Variants in ARHGEF7 observed in about 807,000 individuals in gnomAD.
The protein encoded by ARHGEF7 is Rho guanine nucleotide exchange factor 7.
In ARHGEF7, 33 loss-of-function variants were observed where a neutral mutation model predicts 109.8. That is an observed-to-expected ratio of 0.30 (90% CI 0.23 to 0.40). The LOEUF (loss-of-function observed/expected upper bound fraction) is 0.40, where lower values mean the gene tolerates loss of function less well. Among genes scored for constraint, ARHGEF7 ranks in the 10% least tolerant of loss-of-function variants. The pLI is 1.00. For synonymous variants in ARHGEF7, 458 were observed against 424.6 expected, an observed-to-expected ratio of 1.08 and a Z score of -0.97; for missense variants, 938 against 1,098.5, an observed-to-expected ratio of 0.85 and a Z score of 2.07.
chr13:111,279,327 TG>T (rs1435199257), intron 13 of ARHGEF7, among the ~76,000 whole-genome samples: 3 of 152,110 alleles, frequency 2.0e-5, no homozygotes, highest in Admixed American at 1.3e-4. Flanking sequence ...GGCCAGGGGC[TG>T]GGGGTCTCGG....
chr13:111,151,187 T>C (rs2075869061), intron 1 of ARHGEF7, among the ~76,000 whole-genome samples: 1 of 152,246 alleles, frequency 6.6e-6, no homozygotes, highest in Non-Finnish European at 1.5e-5. Context: ...AACATTCTTA[T>C]AAAACAAGCA....
At chr13:111,252,423 A>G (rs1179836360) in intron 8 of ARHGEF7, among the ~76,000 whole-genome samples, 1 of 152,208 alleles carries the variant, frequency 6.6e-6, no homozygotes, top group Non-Finnish European at 1.5e-5. Context: ...GCAGGTGTGA[A>G]TAGCACAGGC....
chr13:111,255,812 G>A lies in ARHGEF7; in HGVS notation c.950+11518G>A, dbSNP rs1454378916. On this transcript the variant is annotated intron_variant, in intron 8 of 21. Transcript: ENST00000646102. This position sits in a 1 kb window ranked among gnomAD's most constrained non-coding sequence, Gnocchi z 4.1. The stretch of plus-strand genomic sequence containing the variant: ...TTTAACTGGGGGATATTTTTCCTGT[G>A]GAAGGTGGGGTCATGGTGCTTTCTT... Among the ~76,000 whole-genome samples the A allele has an allele frequency of 2.0e-5, 3 of 152,180 alleles. No homozygotes were observed. The highest frequency in any genetic ancestry group is 7.2e-5 in the African/African-American group (3 of 41,442).
intron 8 of ARHGEF7, among the ~76,000 whole-genome samples, chr13:111,254,354 A>G (rs1349110254): frequency 1.3e-5 from 2 of 152,226 alleles, no homozygotes; most frequent in African/African-American, 4.8e-5. Flanking sequence ...TTGAGAGGAT[A>G]TGGGTGCCAC....
At chr13:111,298,537 C>T (rs1048618948) in intron 19 of ARHGEF7, among the ~76,000 whole-genome samples, 12 of 152,268 alleles carry the variant, frequency 7.9e-5, no homozygotes, top group Admixed American at 7.8e-4. Flanking sequence ...GGAGTCCTTG[C>T]AGCCCAAAGG....
At chr13:111,115,193 AGGGCGCGGGGCGGCGCG>A (rs2066651572), upstream of ARHGEF7, 1 of 142,148 alleles carries the variant, frequency 7.0e-6, no homozygotes, top group Admixed American at 6.9e-5. Flanking sequence ...GAGGCTGCGC[AGGGCGCGGGGCGGCGCG>A]GGCCGGGCGC....
chr13:111,257,051 C>G (rs950154996), intron 8 of ARHGEF7, among the ~76,000 whole-genome samples: 1 of 152,348 alleles, frequency 6.6e-6, no homozygotes, highest in African/African-American at 2.4e-5. Flanking sequence ...AGATGTCCCT[C>G]TACAGATTGG....
At position 111,280,554 on chromosome 13, in the gene ARHGEF7, G is replaced by A. The variant is rs1167067412; in HGVS notation, c.1602G>A (p.Arg534=). 1.9e-6 allele frequency: 3 copies of A among 1,607,314 alleles called. No individual in the cohort carries two copies. Among genetic ancestry groups the A allele is most frequent in the Non-Finnish European group, 2.5e-6 (3 of 1,177,554 alleles). Residue 534 remains arginine (R), a synonymous_variant, in exon 15 of 22, where the codon CGG becomes CGA. Transcript: ENST00000646102. The part of the protein sequence containing the change: ...AFEISGSMIE[R]ILVSCNNQQD... ...CTCCTATAGGGAGCATGATTGAGCG[G>A]ATATTAGTGTCGTGCAACAACCAGC...
intron 5 of ARHGEF7, among the ~76,000 whole-genome samples, chr13:111,220,526 T>G (rs2083693130): frequency 1.3e-5 from 2 of 152,204 alleles, no homozygotes; most frequent in South Asian, 4.1e-4. Flanking sequence ...TTTGTGGATC[T>G]CAAAATCCTC....
chr13:111,250,546 C>G (rs1319176213), intron 8 of ARHGEF7, among the ~76,000 whole-genome samples: 1 of 152,068 alleles, frequency 6.6e-6, no homozygotes, highest in South Asian at 2.1e-4. Flanking sequence ...TGGGAGGTAA[C>G]CAGGCAAAAA....
intron 9 of ARHGEF7, among the ~76,000 whole-genome samples, chr13:111,269,853 C>G (rs2091993194): frequency 6.6e-6 from 1 of 152,198 alleles, no homozygotes; most frequent in Admixed American, 6.5e-5. Context: ...TGCCAAGGCT[C>G]CTTCCTACCT....
chr13:111,132,703 G>A (rs1316460349), intron 1 of ARHGEF7, among the ~76,000 whole-genome samples: 1 of 152,216 alleles, frequency 6.6e-6, no homozygotes, highest in Non-Finnish European at 1.5e-5. Context: ...CTAAATAACT[G>A]CAGTAAATGT....
intron 1 of ARHGEF7, among the ~76,000 whole-genome samples, chr13:111,141,527 A>G (rs944456048): frequency 2.0e-5 from 3 of 152,198 alleles, no homozygotes; most frequent in African/African-American, 7.2e-5. Context: ...TGGAAGCTCC[A>G]AAAGTTTTAT....
At position 111,153,951 on chromosome 13, in the gene ARHGEF7, G is replaced by T; in HGVS notation, c.212G>T (p.Arg71Leu). ...RSESECLSNI[R>L]EFLRGCGASL... ...GAGAGCGAGTGCCTGAGCAACATCC[G>T]CGAGTTCCTGCGCGGCTGCGGGGCT... The change falls in exon 2 of 22, where the codon CGC becomes CTC. Residue 71 changes from arginine (R) to leucine (L), a missense_variant. By Grantham distance (102) the Arg-to-Leu change is moderately radical (BLOSUM62 -2). Around this residue, in one of 4 missense-constraint regions of ARHGEF7, gnomAD observed 165 missense variants for 125.8 expected, o/e 1.31. Coordinates refer to ENST00000646102, the MANE Select transcript of ARHGEF7 (RefSeq NM_001354046.2). 6.2e-7 allele frequency: 1 copy of T among 1,604,726 alleles called. No homozygotes were observed. The highest frequency in any genetic ancestry group is 8.5e-7 in the Non-Finnish European group (1 of 1,177,098).
chr13:111,245,647 TCTC>T (rs1166364810), intron 8 of ARHGEF7, among the ~76,000 whole-genome samples: 3 of 152,194 alleles, frequency 2.0e-5, no homozygotes, highest in African/African-American at 7.2e-5. Context: ...AAGGCCCTCA[TCTC>T]CTCTGCAAAA....
intron 19 of ARHGEF7, among the ~76,000 whole-genome samples, chr13:111,300,062 G>A (rs565610873): frequency 1.1e-4 from 16 of 152,246 alleles, no homozygotes; most frequent in South Asian, 8.3e-4. Flanking sequence ...CTTTTAAAAT[G>A]AGTATTTTGA....
At chr13:111,248,247 T>C (rs1413342115) in intron 8 of ARHGEF7, among the ~76,000 whole-genome samples, 1 of 152,186 alleles carries the variant, frequency 6.6e-6, no homozygotes, top group Non-Finnish European at 1.5e-5. Flanking sequence ...CTGTATCTGT[T>C]GATTGTATCT....
chr13:111,268,126 C>G (rs9560024), intron 9 of ARHGEF7, among the ~76,000 whole-genome samples: 5,524 of 152,278 alleles, frequency 0.036, 267 homozygotes, highest in Admixed American at 0.14. Context: ...ACAAGTGCAA[C>G]AGAGAATGCA....
chr13:111,288,225 CAAGAAAAT>C, intron 17 of ARHGEF7, 121 bp from the exon 18 acceptor site: 1 of 467,204 alleles, frequency 2.1e-6, no homozygotes. Flanking sequence ...AGTTATCTGA[CAAGAAAAT>C]CAAGGGCAGA....
Sources: gnomAD v4.1 joint callset for allele counts (sites outside exome capture counted in the v4.1 genomes callset) on GRCh38, gnomAD v4.1.1 for gene constraint, gnomAD v4.1.1 regional missense constraint, Gnocchi (gnomAD v3.1) non-coding constraint, MANE v1.5 for transcripts, NCBI Gene and HGNC (gene_info 2026-07-23, HGNC 2026-07-21) for gene names.